The following CSGALNACT1 variants were observed in gnomAD, a reference collection of about 807,000 sequenced individuals.
CSGALNACT1 encodes beta4GalNAcT-1.
CSGALNACT1 carries 52 observed loss-of-function variants against 51.0 expected under a neutral mutation model. The observed-to-expected ratio is 1.02, with a 90% CI of 0.82 to 1.29. CSGALNACT1 has a LOEUF of 1.29. Ranked by LOEUF, CSGALNACT1 falls within the 50% of genes most tolerant of loss-of-function variation. The probability of loss-of-function intolerance (pLI) is 0.00; values close to 1 mark genes in which losing one functional copy is unlikely to be tolerated. For missense variants in CSGALNACT1, 935 were observed against 679.2 expected (o/e 1.38, Z -4.19); for synonymous variants, 341 against 254.4 (o/e 1.34, Z -3.24).
intron 1 of CSGALNACT1, among the ~76,000 whole-genome samples, chr8:19,666,855 A>G (rs1344873144): frequency 1.1e-4 from 13 of 121,526 alleles, no homozygotes; most frequent in South Asian, 2.6e-4. Context: ...GAAAGAAAGA[A>G]AGAAAGAAAG....
chr8:19,585,747 C>T (rs1375192839), intron 3 of CSGALNACT1, among the ~76,000 whole-genome samples: 2 of 152,166 alleles, frequency 1.3e-5, no homozygotes, highest in African/African-American at 4.8e-5. Context: ...ATACAAAGAA[C>T]GTTTCTCCAA....
At chr8:19,445,667 C>T (rs777441891) in intron 5 of CSGALNACT1, among the ~76,000 whole-genome samples, 5 of 152,182 alleles carry the variant, frequency 3.3e-5, no homozygotes, top group African/African-American at 1.2e-4. Flanking sequence ...TCTCCATGTA[C>T]TGTGCAAAAC....
At chr8:19,682,645 C>A (rs1589491591), upstream of CSGALNACT1, 1 of 454,050 alleles carries the variant, frequency 2.2e-6, no homozygotes, top group East Asian at 7.0e-5. Flanking sequence ...ATTCAGGCAA[C>A]AACAGCCAAA....
At chr8:19,747,687 T>A (rs1239781162) in intron 1 of CSGALNACT1, among the ~76,000 whole-genome samples, 1 of 152,186 alleles carries the variant, frequency 6.6e-6, no homozygotes, top group East Asian at 1.9e-4. Context: ...TTGCATTTGA[T>A]TAAATTCCTA....
At chr8:19,705,430 T>C (rs1261302719) in intron 1 of CSGALNACT1, among the ~76,000 whole-genome samples, 1 of 152,200 alleles carries the variant, frequency 6.6e-6, no homozygotes, top group East Asian at 1.9e-4. Context: ...GCTCATCATT[T>C]GAATTTTAAA....
chr8:19,411,298 G>A (rs775781093), intron 8 of CSGALNACT1, among the ~76,000 whole-genome samples: 1 of 152,196 alleles, frequency 6.6e-6, no homozygotes, highest in Non-Finnish European at 1.5e-5. Flanking sequence ...AAATGATCCC[G>A]TTGATGCATC....
chr8:19,422,931 A>C (rs11204039), intron 6 of CSGALNACT1, among the ~76,000 whole-genome samples: 73,636 of 152,044 alleles, frequency 0.48, 18,909 homozygotes, highest in East Asian at 0.84. Context: ...AGCCAGTAGC[A>C]ATTCTCTTTC....
intron 1 of CSGALNACT1, among the ~76,000 whole-genome samples, chr8:19,695,327 C>T (rs2061532130): frequency 6.6e-6 from 1 of 152,082 alleles, no homozygotes; most frequent in Non-Finnish European, 1.5e-5. Flanking sequence ...TTCCTGAAAG[C>T]CTATGAGGGG....
chr8:19,509,994 C>G (rs957049578), intron 3 of CSGALNACT1, among the ~76,000 whole-genome samples: 26 of 152,116 alleles, frequency 1.7e-4, no homozygotes, highest in Non-Finnish European at 3.1e-4. Flanking sequence ...CAAGGAGTCC[C>G]TGTCAACAAC....
chr8:19,656,271 GCAAA>G (rs1359325467), intron 1 of CSGALNACT1, among the ~76,000 whole-genome samples: 2 of 152,138 alleles, frequency 1.3e-5, no homozygotes, highest in Admixed American at 6.5e-5. Flanking sequence ...AATCCTGTGA[GCAAA>G]CAGAGGGAAA....
Position 19,530,311 on chromosome 8 carries a change from T to A in CSGALNACT1, c.-296-24181A>T, listed in dbSNP as rs73212594. 8.4e-5 allele frequency among the ~76,000 whole-genome samples: 5 copies of A among 59,790 alleles called. 1 individual carries two copies. The highest frequency in any genetic ancestry group is 8.0e-4 in the Admixed American group (5 of 6,286). The allele number at this position is 59,790 out of a possible 152,430, so 39.2% of individuals were successfully genotyped here. A position where few individuals can be genotyped will look rare whatever the true frequency, so the allele number is the denominator to read the frequency against. ...TTCAATATCCATGAATGTGTACACA[T>A]ACACACACACACACACACACACACA... On this transcript the variant is annotated intron_variant, in intron 3 of 9. Transcript: ENST00000454498.
intron 3 of CSGALNACT1, among the ~76,000 whole-genome samples, chr8:19,541,333 C>G (rs2154070503): frequency 6.7e-6 from 1 of 148,912 alleles, no homozygotes; most frequent in East Asian, 2.0e-4. Context: ...TCACTGCAAG[C>G]TCTGCCTCCT....
In CSGALNACT1 at chr8:19,753,076, C is replaced by G. The variant is rs114835150; in HGVS notation, c.-297+4774G>C. 4.6e-3 allele frequency among the ~76,000 whole-genome samples: 705 copies of G among 152,250 alleles called. 11 individuals carry two copies. Among genetic ancestry groups the G allele is most frequent in the African/African-American group, 0.016 (670 of 41,542 alleles). The stretch of plus-strand genomic sequence containing the variant: ...TGTACCTATCATCTTGGCGTGGACT[C>G]AGCTTCAGTCTGCGAAGATGAAGGA... On this transcript the variant is annotated intron_variant, in intron 1 of 1. Coordinates refer to the CSGALNACT1 transcript ENST00000517494.
chr8:19,614,272 C>T (rs1410865601), intron 1 of CSGALNACT1, among the ~76,000 whole-genome samples: 1 of 152,144 alleles, frequency 6.6e-6, no homozygotes, highest in Non-Finnish European at 1.5e-5. Context: ...AAAACTGAGA[C>T]TCGAAAGGCT....
rs34664028 is a variant in CSGALNACT1 at position 19,553,902 on chromosome 8, A to AACACACACACACACACACAC, written c.-297+37238_-297+37257dup. 2.8e-4 allele frequency among the ~76,000 whole-genome samples: 41 copies of AACACACACACACACACACAC among 147,458 alleles called. 1 individual carries two copies. Among genetic ancestry groups the AACACACACACACACACACAC allele is most frequent in the African/African-American group, 9.5e-4 (38 of 39,960 alleles). On this transcript the variant is annotated intron_variant, in intron 3 of 9. Transcript: ENST00000454498. ...TCACCGAACAAGAAAGAACTCGTAG[A>AACACACACACACACACACAC]ACACACACACACACACACACACACC...
intron 5 of CSGALNACT1, among the ~76,000 whole-genome samples, chr8:19,452,321 G>A (rs1168652570): frequency 6.6e-6 from 1 of 151,926 alleles, no homozygotes. Flanking sequence ...GCAGCAGGAA[G>A]AGCCACAGCA....
chr8:19,540,404 G>A (rs112732900), intron 3 of CSGALNACT1, among the ~76,000 whole-genome samples: 92 of 152,244 alleles, frequency 6.0e-4, no homozygotes, highest in Middle Eastern at 3.4e-3. Context: ...CCCTGGATTC[G>A]TACCCCATCG....
chr8:19,662,794 G>C (rs2058871917), intron 1 of CSGALNACT1, among the ~76,000 whole-genome samples: 1 of 152,180 alleles, frequency 6.6e-6, no homozygotes, highest in Non-Finnish European at 1.5e-5. Context: ...ACTCTGAGCA[G>C]TGGAGAGACA....
At chr8:19,580,003 G>A (rs1417566154) in intron 3 of CSGALNACT1, among the ~76,000 whole-genome samples, 1 of 152,180 alleles carries the variant, frequency 6.6e-6, no homozygotes, top group Non-Finnish European at 1.5e-5. Flanking sequence ...TTCAATAAAG[G>A]CACACAAAAC....
Sources: allele counts gnomAD v4.1 joint callset (sites outside exome capture counted in the v4.1 genomes callset), GRCh38; gene constraint gnomAD v4.1.1; transcripts MANE v1.5; gene names NCBI Gene and HGNC (gene_info 2026-07-23, HGNC 2026-07-21).